Variants in INTS9 observed in about 807,000 individuals in gnomAD.
INTS9 encodes the protein integrator complex subunit 9, also known as protein related to CPSF subunits of 74 kDa.
In INTS9, 55 loss-of-function variants were observed where a neutral mutation model predicts 79.7. The ratio of observed to expected loss-of-function variants is 0.69; its 90% CI spans 0.56 to 0.86. The LOEUF (loss-of-function observed/expected upper bound fraction) is 0.86. INTS9 is among the 40% of genes least tolerant of loss of function. The pLI, the probability that INTS9 is intolerant of heterozygous loss-of-function variation, is 0.00. For synonymous variants in INTS9, 319 were observed against 325.2 expected (o/e 0.98, Z 0.20); for missense variants, 721 against 831.5 (o/e 0.87, Z 1.64).
chr8:28,785,096 C>T lies in INTS9; in HGVS notation c.1098+2733G>A, dbSNP rs34023626. Among the ~76,000 whole-genome samples, 703 of 152,350 alleles carry T rather than the reference C, an allele frequency of 4.6e-3. 2 individuals carry two copies. The highest frequency in any genetic ancestry group is 7.7e-3 in the Non-Finnish European group (525 of 68,032). On this transcript the variant is annotated intron_variant, in intron 11 of 16. Coordinates refer to ENST00000521022, the MANE Select transcript of INTS9 (RefSeq NM_018250.4). ...GATTCAGGTGAAGCATTTTTAGCAG[C>T]AGGATCACAGAAATCATGCTGCTTT...
chr8:28,878,650 AACAAAACAAAAAACTCTT>A (rs1212384358), intron 1 of INTS9, among the ~76,000 whole-genome samples: 1 of 150,922 alleles, frequency 6.6e-6, no homozygotes, highest in African/African-American at 2.4e-5. Flanking sequence ...TTAAAAAAAA[AACAAAACAAAAAACTCTT>A]GTATAGTTTA....
chr8:28,801,912 C>T (rs541686524), intron 8 of INTS9, among the ~76,000 whole-genome samples: 2 of 152,302 alleles, frequency 1.3e-5, no homozygotes, highest in African/African-American at 4.8e-5. Flanking sequence ...CAGGCCCAAC[C>T]AGTGCCAGAG....
At chr8:28,782,343 T>C (rs1803320814) in intron 11 of INTS9, among the ~76,000 whole-genome samples, 1 of 152,230 alleles carries the variant, frequency 6.6e-6, no homozygotes, top group African/African-American at 2.4e-5. Context: ...CTGGTGACAG[T>C]AACCACATTC....
At chr8:28,889,575 C>G (rs998403549) in intron 1 of INTS9, among the ~76,000 whole-genome samples, 1 of 152,206 alleles carries the variant, frequency 6.6e-6, no homozygotes, top group South Asian at 2.1e-4. Context: ...CCAGGACGTC[C>G]AAACCTGGTT....
intron 1 of INTS9, among the ~76,000 whole-genome samples, chr8:28,870,170 T>C (rs1349484053): frequency 1.3e-5 from 2 of 152,088 alleles, no homozygotes; most frequent in Non-Finnish European, 2.9e-5. Context: ...GTTACATATA[T>C]ATATATGTAT....
chr8:28,866,742 C>T lies in INTS9; in HGVS notation c.10-7179G>A, dbSNP rs904853630. On this transcript the variant is annotated intron_variant, in intron 1 of 16. Transcript: ENST00000521022. ...CTGTAATCCCAGCACTTTGGGAGGCCGAGGCGGGCGGGTCATGAGGTCAGG... is the reference window on the plus strand; with the variant it reads ...CTGTAATCCCAGCACTTTGGGAGGCTGAGGCGGGCGGGTCATGAGGTCAGG... Among the ~76,000 whole-genome samples the T allele has an allele frequency of 5.3e-5, 8 of 151,742 alleles. 1 individual carries two copies. Among genetic ancestry groups the T allele is most frequent in the East Asian group, 1.9e-4 (1 of 5,166 alleles).
intron 3 of INTS9, 106 bp from the exon 4 acceptor site, chr8:28,846,915 C>T: frequency 1.2e-6 from 1 of 852,274 alleles, no homozygotes; most frequent in East Asian, 2.5e-5. Flanking sequence ...TCATAGACTA[C>T]TAGAGCTGGA....
At chr8:28,820,404 G>T (rs918752072) in intron 6 of INTS9, among the ~76,000 whole-genome samples, 3 of 152,040 alleles carry the variant, frequency 2.0e-5, no homozygotes, top group Admixed American at 6.6e-5. Flanking sequence ...GCTTAGTTTG[G>T]CTGGATATGA....
intron 1 of INTS9, among the ~76,000 whole-genome samples, chr8:28,878,671 A>G (rs1453029248): frequency 1.4e-5 from 2 of 147,922 alleles, no homozygotes; most frequent in Admixed American, 1.3e-4. Context: ...AAACTCTTGT[A>G]TAGTTTACTT....
chr8:28,884,409 A>T (rs939728875), intron 1 of INTS9, among the ~76,000 whole-genome samples: 5 of 151,758 alleles, frequency 3.3e-5, no homozygotes, highest in African/African-American at 1.2e-4. Context: ...GGTCTGGAAC[A>T]CCTGGGCTCA....
At chr8:28,876,609 C>T (rs949887169) in intron 1 of INTS9, among the ~76,000 whole-genome samples, 5 of 151,982 alleles carry the variant, frequency 3.3e-5, no homozygotes, top group South Asian at 2.1e-4. Flanking sequence ...GAAATAGAGA[C>T]GCCTACTACC....
At chr8:28,859,379 G>T in intron 2 of INTS9, 57 bp downstream of exon 2, 1 of 1,592,696 alleles carries the variant, frequency 6.3e-7, no homozygotes, top group Non-Finnish European at 8.6e-7. Context: ...CATACTAATG[G>T]TACCATTTTT....
intron 12 of INTS9, among the ~76,000 whole-genome samples, chr8:28,780,052 G>A (rs241199): frequency 1.2e-5 from 1 of 80,076 alleles, no homozygotes; most frequent in South Asian, 4.2e-4. Flanking sequence ...TTCAAATCAA[G>A]GTTTTTTTTT....
intron 6 of INTS9, among the ~76,000 whole-genome samples, chr8:28,825,599 GTCC>G (rs1410351796): frequency 6.6e-6 from 1 of 152,116 alleles, no homozygotes; most frequent in East Asian, 1.9e-4. Flanking sequence ...CTAGGACAAC[GTCC>G]TGTGAAAATT....
chr8:28,793,377 A>G (rs1284905627), intron 10 of INTS9, among the ~76,000 whole-genome samples: 1 of 152,238 alleles, frequency 6.6e-6, no homozygotes, highest in East Asian at 1.9e-4. Context: ...CTGATGTAAT[A>G]AAATTTTGTC....
At chr8:28,877,736 A>G (rs773102498) in intron 1 of INTS9, among the ~76,000 whole-genome samples, 1 of 152,244 alleles carries the variant, frequency 6.6e-6, no homozygotes, top group Non-Finnish European at 1.5e-5. Flanking sequence ...GTATGAATGT[A>G]TTTTTGAGAT....
intron 6 of INTS9, among the ~76,000 whole-genome samples, chr8:28,814,294 AC>A (rs1805339534): frequency 9.9e-6 from 1 of 100,740 alleles, no homozygotes; most frequent in African/African-American, 3.3e-5. Flanking sequence ...TCACACACAC[AC>A]ACACACACAC....
chr8:28,868,426 G>T (rs1416264479), intron 1 of INTS9, among the ~76,000 whole-genome samples: 1 of 152,106 alleles, frequency 6.6e-6, no homozygotes, highest in African/African-American at 2.4e-5. Context: ...TCGCTTGAGA[G>T]AACTGCACAG....
intron 6 of INTS9, among the ~76,000 whole-genome samples, chr8:28,829,588 G>T (rs1404841265): frequency 6.6e-6 from 1 of 152,096 alleles, no homozygotes; most frequent in Non-Finnish European, 1.5e-5. Context: ...TTCTTTAGTT[G>T]ATAGTTTTAT....
Sources: allele counts gnomAD v4.1 joint callset (sites outside exome capture counted in the v4.1 genomes callset), GRCh38; gene constraint gnomAD v4.1.1; transcripts MANE v1.5; gene names NCBI Gene and HGNC (gene_info 2026-07-23, HGNC 2026-07-21).